Variants in CSMD1 observed in about 807,000 individuals in gnomAD.
CSMD1 encodes CUB and sushi domain-containing protein 1.
CSMD1 carries 213 observed loss-of-function variants against 417.5 expected under a neutral mutation model. That is an observed-to-expected ratio of 0.51 (90% CI 0.46 to 0.57). The LOEUF (loss-of-function observed/expected upper bound fraction) is 0.57. Among genes scored for constraint, CSMD1 ranks in the 20% least tolerant of loss-of-function variants. The pLI, the probability that CSMD1 is intolerant of heterozygous loss-of-function variation, is 0.00. For synonymous variants in CSMD1, 2,862 were observed against 1,736.8 expected, an observed-to-expected ratio of 1.65 and a Z score of -16.11; for missense variants, 6,923 against 4,529.7, an observed-to-expected ratio of 1.53 and a Z score of -15.17.
intron 12 of CSMD1, among the ~76,000 whole-genome samples, chr8:3,422,780 A>T (rs1261055228): frequency 6.6e-6 from 1 of 152,222 alleles, no homozygotes; most frequent in African/African-American, 2.4e-5. Context: ...TGTATTTCTC[A>T]TGGTTCAAGA....
At chr8:4,504,760 G>C (rs577963472) in intron 2 of CSMD1, among the ~76,000 whole-genome samples, 1 of 152,154 alleles carries the variant, frequency 6.6e-6, no homozygotes, top group South Asian at 2.1e-4. Flanking sequence ...GTGTTAGTTT[G>C]CTGAGAATGA....
intron 3 of CSMD1, among the ~76,000 whole-genome samples, chr8:4,261,545 A>G (rs1319955961): frequency 1.3e-5 from 2 of 152,124 alleles, no homozygotes; most frequent in Non-Finnish European, 2.9e-5. Flanking sequence ...TGCTAAGGTA[A>G]GAGTAGATCT....
intron 3 of CSMD1, among the ~76,000 whole-genome samples, chr8:4,230,693 G>A (rs747966205): frequency 6.6e-6 from 1 of 152,028 alleles, no homozygotes; most frequent in African/African-American, 2.4e-5. Flanking sequence ...CTGCCTAATA[G>A]TAATTTTCCT....
intron 2 of CSMD1, among the ~76,000 whole-genome samples, chr8:4,437,703 G>C (rs182461515): frequency 9.9e-5 from 15 of 152,230 alleles, no homozygotes; most frequent in Non-Finnish European, 2.9e-5. Flanking sequence ...CATAGAATAA[G>C]ATTCTACTAT....
intron 3 of CSMD1, among the ~76,000 whole-genome samples, chr8:4,412,210 C>T (rs181498227): frequency 6.6e-6 from 1 of 152,122 alleles, no homozygotes; most frequent in Admixed American, 6.6e-5. Context: ...AAATTGTAAC[C>T]CCCAGTATTG....
At chr8:3,824,507 C>A (rs1400188063) in intron 5 of CSMD1, among the ~76,000 whole-genome samples, 3 of 152,142 alleles carry the variant, frequency 2.0e-5, no homozygotes, top group Non-Finnish European at 4.4e-5. Flanking sequence ...CCATAAGCAG[C>A]CACGACACAC....
chr8:4,083,019 G>A (rs755381237), intron 3 of CSMD1, among the ~76,000 whole-genome samples: 3 of 151,640 alleles, frequency 2.0e-5, no homozygotes, highest in Admixed American at 6.6e-5. Flanking sequence ...TATCATTGTT[G>A]GACATTTGGG....
chr8:3,477,240 G>C (rs972766232), intron 11 of CSMD1, among the ~76,000 whole-genome samples: 1 of 152,140 alleles, frequency 6.6e-6, no homozygotes, highest in Non-Finnish European at 1.5e-5. Context: ...GTATGTACCT[G>C]AATTTTAAAA....
At chr8:3,203,531 T>G (rs1330056241) in intron 31 of CSMD1, among the ~76,000 whole-genome samples, 2 of 152,092 alleles carry the variant, frequency 1.3e-5, no homozygotes, top group East Asian at 1.9e-4. Context: ...TATAAGAAAT[T>G]ATATCAGCGA....
At chr8:4,406,523 T>A (rs1805031436) in intron 3 of CSMD1, among the ~76,000 whole-genome samples, 1 of 152,168 alleles carries the variant, frequency 6.6e-6, no homozygotes, top group South Asian at 2.1e-4. Flanking sequence ...ATATTACTTT[T>A]CATTCTAAGA....
chr8:4,448,996 A>G (rs970643127), intron 2 of CSMD1, among the ~76,000 whole-genome samples: 34 of 152,156 alleles, frequency 2.2e-4, no homozygotes, highest in African/African-American at 8.0e-4. Context: ...AGTAGTCAGT[A>G]TTATTTATTA....
chr8:3,645,863 T>C (rs1797547279), intron 7 of CSMD1, among the ~76,000 whole-genome samples: 2 of 152,198 alleles, frequency 1.3e-5, no homozygotes, highest in Admixed American at 1.3e-4. Flanking sequence ...ATAATGTTTT[T>C]ATATACATAG....
chr8:3,295,694 G>T (rs1177857013), intron 25 of CSMD1, among the ~76,000 whole-genome samples: 1 of 152,112 alleles, frequency 6.6e-6, no homozygotes, highest in Non-Finnish European at 1.5e-5. Flanking sequence ...GGTAATGTAT[G>T]TATTGCCCTT....
intron 5 of CSMD1, among the ~76,000 whole-genome samples, chr8:3,968,650 G>A (rs1182454036): frequency 1.3e-5 from 2 of 152,090 alleles, no homozygotes; most frequent in African/African-American, 2.4e-5. Context: ...AGGCTCTACT[G>A]TCCTAAATCC....
At chr8:4,012,414 A>G (rs1043998069) in intron 4 of CSMD1, among the ~76,000 whole-genome samples, 2 of 152,058 alleles carry the variant, frequency 1.3e-5, no homozygotes, top group African/African-American at 4.8e-5. Context: ...GCGTGGATTT[A>G]TTTTTATGTT....
chr8:4,676,581 C>T (rs1010401378), intron 1 of CSMD1, among the ~76,000 whole-genome samples: 3 of 152,192 alleles, frequency 2.0e-5, no homozygotes, highest in Non-Finnish European at 2.9e-5. Context: ...CCAGCTACCA[C>T]GGCACCCTTT....
At chr8:3,931,358 T>A (rs1810124491) in intron 5 of CSMD1, among the ~76,000 whole-genome samples, 1 of 150,604 alleles carries the variant, frequency 6.6e-6, no homozygotes, top group South Asian at 2.1e-4. Context: ...TCTCCCTCCC[T>A]CATTTCTCAG....
At position 3,450,326 on chromosome 8, in the gene CSMD1, T is replaced by C. The variant is rs137882837; in HGVS notation, c.1561+18386A>G. ...AAGCCTCTCCTATTTTTTTTTTTAT[T>C]ATGCTTTCAGTTTTAGGGTACATGT... On this transcript the variant is annotated intron_variant, in intron 12 of 69. Coordinates refer to ENST00000635120, the MANE Select transcript of CSMD1 (RefSeq NM_033225.6). 6.7e-3 allele frequency among the ~76,000 whole-genome samples: 1,014 copies of C among 152,124 alleles called. 12 individuals carry two copies. Among genetic ancestry groups the C allele is most frequent in the African/African-American group, 0.023 (961 of 41,466 alleles).
intron 5 of CSMD1, among the ~76,000 whole-genome samples, chr8:3,807,028 C>G (rs532920737): frequency 3.0e-4 from 45 of 152,054 alleles, no homozygotes; most frequent in Non-Finnish European, 4.4e-4. Flanking sequence ...ATATTGTAAC[C>G]CAGGCAGTCT....
Sources: gnomAD v4.1 joint callset for allele counts (sites outside exome capture counted in the v4.1 genomes callset) on GRCh38, gnomAD v4.1.1 for gene constraint, MANE v1.5 for transcripts, NCBI Gene and HGNC (gene_info 2026-07-23, HGNC 2026-07-21) for gene names.